TXNL4A: variants seen among roughly 807,000 people sequenced by gnomAD.
TXNL4A encodes the protein thioredoxin like 4A.
A neutral mutation model predicts 14.6 loss-of-function variants in TXNL4A; 17 were observed. The ratio of observed to expected loss-of-function variants is 1.16; its 90% CI spans 0.80 to 1.74. The LOEUF is 1.74. Among genes scored for constraint, TXNL4A ranks in the 40% most tolerant of loss-of-function variants. The probability of loss-of-function intolerance (pLI) is 0.00; values close to 1 mark genes in which losing one functional copy is unlikely to be tolerated. For missense variants in TXNL4A, 74 were observed against 195.2 expected, an observed-to-expected ratio of 0.38 and a Z score of 3.70; for synonymous variants, 83 against 70.6, an observed-to-expected ratio of 1.18 and a Z score of -0.88.
intron 1 of TXNL4A, among the ~76,000 whole-genome samples, chr18:79,995,639 TAG>T (rs2051655544): frequency 6.6e-6 from 1 of 152,158 alleles, no homozygotes; most frequent in Non-Finnish European, 1.5e-5. Context: ...ACTAATGAAC[TAG>T]TTAGCTGACC....
rs140392422 is a variant in TXNL4A at position 80,009,362 on chromosome 18, G to A, written c.-61+24489C>T. ...ACATTTTGACTTTTCCATATTTCAC[G>A]GGGCGTTTATCCTCCGACTTCACAC... On this transcript the variant is annotated intron_variant, in intron 1 of 2. Transcript: ENST00000585474. 3.3e-3 allele frequency among the ~76,000 whole-genome samples: 502 copies of A among 152,142 alleles called. 1 individual carries two copies. Among genetic ancestry groups the A allele is most frequent in the African/African-American group, 0.011 (469 of 41,482 alleles).
At chr18:79,988,121 G>C (rs1458031646) in intron 1 of TXNL4A, 119 bp downstream of exon 1, 5 of 1,224,032 alleles carry the variant, frequency 4.1e-6, no homozygotes, top group South Asian at 2.5e-5. Flanking sequence ...TCGCCTGAAC[G>C]ACGGAGCCGC....
intron 1 of TXNL4A, among the ~76,000 whole-genome samples, chr18:80,022,314 T>G (rs1230411208): frequency 6.6e-6 from 1 of 152,200 alleles, no homozygotes; most frequent in Non-Finnish European, 1.5e-5. Context: ...AAGGGTTTTT[T>G]TCTTGACTCT....
At chr18:79,995,355 C>G (rs1053000124) in intron 1 of TXNL4A, 2 of 152,196 alleles carry the variant, frequency 1.3e-5, no homozygotes, top group African/African-American at 4.8e-5. Flanking sequence ...CAGAGATGCT[C>G]GTGAACGATG....
At chr18:80,019,440 C>A (rs1291182140) in intron 1 of TXNL4A, among the ~76,000 whole-genome samples, 1 of 152,166 alleles carries the variant, frequency 6.6e-6, no homozygotes, top group African/African-American at 2.4e-5. Context: ...AGTACCTCCC[C>A]CTGGGTCCCT....
chr18:80,018,099 T>C (rs2051824173), intron 1 of TXNL4A, among the ~76,000 whole-genome samples: 1 of 152,156 alleles, frequency 6.6e-6, no homozygotes, highest in Non-Finnish European at 1.5e-5. Flanking sequence ...TGGGAGAGTG[T>C]ATGTGTCAAG....
rs1279463558 is a variant in TXNL4A, at chr18:80,013,361, T to G, written c.-61+20490A>C. ...ATGCTCTCGATCTCCTACCTCATGATCCCCCCGCCTCGGCCTCCCAAAGTG... is the reference window on the plus strand; with the variant it reads ...ATGCTCTCGATCTCCTACCTCATGAGCCCCCCGCCTCGGCCTCCCAAAGTG... On this transcript the variant is annotated intron_variant, in intron 1 of 2. Coordinates refer to the TXNL4A transcript ENST00000585474. Among the ~76,000 whole-genome samples the G allele has an allele frequency of 2.0e-5, 3 of 151,096 alleles. 1 individual carries two copies. Among genetic ancestry groups the G allele is most frequent in the Admixed American group, 2.0e-4 (3 of 15,174 alleles).
intron 1 of TXNL4A, among the ~76,000 whole-genome samples, chr18:80,021,117 G>T (rs2051845762): frequency 6.6e-6 from 1 of 151,944 alleles, no homozygotes; most frequent in Non-Finnish European, 1.5e-5. Flanking sequence ...CAAACAGGTG[G>T]GCACTGTTTT....
In TXNL4A at chr18:79,996,119, A is replaced by C. The variant is rs868400613; in HGVS notation, c.-60-18418T>G. On this transcript the variant is annotated intron_variant, in intron 1 of 2. Coordinates refer to the TXNL4A transcript ENST00000585474. ...ACTCTGACTCAAAAAAAAAAAAAAAAAAAAAAAACGGCCAGGACAGCTTAA... is the reference window on the plus strand; with the variant it reads ...ACTCTGACTCAAAAAAAAAAAAAAACAAAAAAAACGGCCAGGACAGCTTAA... 4.6e-3 allele frequency among the ~76,000 whole-genome samples: 689 copies of C among 150,774 alleles called. 8 individuals are homozygous for C. Among genetic ancestry groups the C allele is most frequent in the African/African-American group, 0.016 (650 of 41,178 alleles).
Position 79,985,280 on chromosome 18 carries a change from G to A in TXNL4A, c.153+2960C>T, listed in dbSNP as rs1453457781. Among the ~76,000 whole-genome samples, 5 of 151,924 alleles carry A rather than the reference G, an allele frequency of 3.3e-5. No individual in the cohort carries two copies. In the East Asian group the frequency reaches 7.7e-4, roughly 23 times the overall value. On this transcript the variant is annotated intron_variant, in intron 1 of 2. Coordinates refer to ENST00000269601, the MANE Select transcript of TXNL4A (RefSeq NM_006701.5). ...TAGAAAACTTTTTTTTTTTGAGACA[G>A]GGTCTCGCTCTGTCACCCAGGCTGG...
chr18:80,020,960 A>C (rs564383517), intron 1 of TXNL4A, among the ~76,000 whole-genome samples: 15 of 152,318 alleles, frequency 9.8e-5, no homozygotes, highest in African/African-American at 3.4e-4. Context: ...GAAACTTTAT[A>C]TCCTCTACCT....
At chr18:80,001,227 G>C (rs755004218) in intron 1 of TXNL4A, among the ~76,000 whole-genome samples, 1 of 152,188 alleles carries the variant, frequency 6.6e-6, no homozygotes, top group African/African-American at 2.4e-5. Flanking sequence ...GGAGCCTGTG[G>C]GTGCACAGAA....
chr18:80,005,950 A>C (rs1219102366), intron 1 of TXNL4A, among the ~76,000 whole-genome samples: 1 of 151,986 alleles, frequency 6.6e-6, no homozygotes, highest in East Asian at 1.9e-4. Context: ...AAAAATATCT[A>C]GGAAGAAGAA....
chr18:79,986,577 T>A (rs1464818302), intron 1 of TXNL4A: 3 of 985,320 alleles, frequency 3.0e-6, no homozygotes, highest in Non-Finnish European at 3.6e-6. Context: ...AAAGAGCAAA[T>A]CTGGCAAAGA....
At chr18:80,025,553 G>C (rs899173427) in intron 1 of TXNL4A, among the ~76,000 whole-genome samples, 4 of 152,222 alleles carry the variant, frequency 2.6e-5, no homozygotes, top group African/African-American at 9.7e-5. Flanking sequence ...TTTCTCTTAT[G>C]ACCACCCCAT....
intron 1 of TXNL4A, among the ~76,000 whole-genome samples, chr18:79,995,961 G>A (rs954694800): frequency 1.3e-5 from 2 of 151,914 alleles, no homozygotes; most frequent in African/African-American, 4.8e-5. Context: ...AAAATTAGCC[G>A]GGCATGGTGG....
At chr18:79,991,107 C>CAAAA (rs34442066), upstream of TXNL4A, among the ~76,000 whole-genome samples, 5 of 91,590 alleles carry the variant, frequency 5.5e-5, no homozygotes, top group African/African-American at 1.3e-4. Context: ...GACTCCGTCT[C>CAAAA]AAAAAAAAAA....
intron 1 of TXNL4A, among the ~76,000 whole-genome samples, chr18:80,000,348 A>C (rs1470842159): frequency 6.6e-6 from 1 of 152,204 alleles, no homozygotes; most frequent in Non-Finnish European, 1.5e-5. Flanking sequence ...ACTAGAATAA[A>C]GGTGACTCTT....
intron 2 of TXNL4A, chr18:79,977,271 T>C (rs543715512): frequency 5.2e-6 from 2 of 382,246 alleles, no homozygotes; most frequent in African/African-American, 4.2e-5. Context: ...AAATTTGTGA[T>C]TTTACAACAT....
Sources: allele counts gnomAD v4.1 joint callset (sites outside exome capture counted in the v4.1 genomes callset), GRCh38; gene constraint gnomAD v4.1.1; transcripts MANE v1.5; gene names NCBI Gene and HGNC (gene_info 2026-07-23, HGNC 2026-07-21).